CNTNAP5: variants seen among roughly 807,000 people sequenced by gnomAD.
CNTNAP5 encodes contactin-associated protein-like 5.
A neutral mutation model predicts 150.2 loss-of-function variants in CNTNAP5; 72 were observed. The observed-to-expected ratio is 0.48, with a 90% confidence interval of 0.40 to 0.58. The LOEUF (loss-of-function observed/expected upper bound fraction) is 0.58. CNTNAP5 is among the 20% of genes least tolerant of loss of function. The pLI is 0.00. For missense variants in CNTNAP5, 1,636 were observed against 1,626.2 expected, an observed-to-expected ratio of 1.01 and a Z score of -0.10; for synonymous variants, 672 against 619.8, an observed-to-expected ratio of 1.08 and a Z score of -1.25.
intron 19 of CNTNAP5, among the ~76,000 whole-genome samples, chr2:124,861,554 C>G (rs1305675047): frequency 6.6e-6 from 1 of 151,982 alleles, no homozygotes; most frequent in Admixed American, 6.6e-5. Context: ...CGCCACTGCA[C>G]TCCAGCCAGG....
intron 21 of CNTNAP5, among the ~76,000 whole-genome samples, chr2:124,885,453 T>A (rs1678059314): frequency 1.3e-5 from 2 of 151,912 alleles, no homozygotes; most frequent in African/African-American, 4.8e-5. Flanking sequence ...GAAACGCACA[T>A]AAAATTAACC....
intron 17 of CNTNAP5, among the ~76,000 whole-genome samples, chr2:124,784,688 G>A (rs931447573): frequency 2.0e-5 from 3 of 152,170 alleles, no homozygotes; most frequent in African/African-American, 7.2e-5. Flanking sequence ...ACTTAGTTGT[G>A]GTATTGACCC....
At chr2:124,594,123 A>C (rs1696765950) in intron 11 of CNTNAP5, among the ~76,000 whole-genome samples, 1 of 128,840 alleles carries the variant, frequency 7.8e-6, no homozygotes, top group African/African-American at 2.9e-5. Flanking sequence ...TTTGCTGTGC[A>C]GAAGCTCTTT....
At chr2:124,689,990 T>C (rs1254434991) in intron 13 of CNTNAP5, among the ~76,000 whole-genome samples, 5 of 151,990 alleles carry the variant, frequency 3.3e-5, no homozygotes, top group Non-Finnish European at 5.9e-5. Context: ...ACACTCTTTC[T>C]GTTTTACAAC....
intron 19 of CNTNAP5, among the ~76,000 whole-genome samples, chr2:124,845,534 C>T (rs990015383): frequency 6.7e-6 from 1 of 149,676 alleles, no homozygotes. Flanking sequence ...CTTTCTCTAT[C>T]TTTTGGAATA....
At chr2:124,637,743 A>T (rs192153681) in intron 12 of CNTNAP5, among the ~76,000 whole-genome samples, 1 of 152,128 alleles carries the variant, frequency 6.6e-6, no homozygotes, top group South Asian at 2.1e-4. Context: ...TCTTACCTAC[A>T]GAAGAGATTT....
At chr2:124,030,018 G>A (rs917680919) in intron 1 of CNTNAP5, among the ~76,000 whole-genome samples, 1 of 152,046 alleles carries the variant, frequency 6.6e-6, no homozygotes, top group African/African-American at 2.4e-5. Context: ...ATAAGGGAAG[G>A]TTTCTTCATT....
At chr2:124,111,460 A>C (rs11686392) in intron 1 of CNTNAP5, among the ~76,000 whole-genome samples, 12,911 of 152,114 alleles carry the variant, frequency 0.085, 736 homozygotes, top group Non-Finnish European at 0.13. Flanking sequence ...TCTTAATATC[A>C]CTCGTACACT....
chr2:124,198,158 T>C (rs1254383003), intron 1 of CNTNAP5, among the ~76,000 whole-genome samples: 2 of 150,084 alleles, frequency 1.3e-5, no homozygotes, highest in East Asian at 2.0e-4. Flanking sequence ...CTAATCAGGC[T>C]TTTTAAAGAT....
At chr2:124,716,894 C>A (rs76915771) in intron 13 of CNTNAP5, among the ~76,000 whole-genome samples, 6,578 of 152,174 alleles carry the variant, frequency 0.043, 503 homozygotes, top group African/African-American at 0.15. Flanking sequence ...GCCATAACAT[C>A]GGGCTGGTCT....
chr2:124,708,597 C>T (rs948414253), intron 13 of CNTNAP5, among the ~76,000 whole-genome samples: 1 of 152,070 alleles, frequency 6.6e-6, no homozygotes, highest in African/African-American at 2.4e-5. Context: ...ATTACAATGC[C>T]GTTTAGTGTT....
intron 3 of CNTNAP5, among the ~76,000 whole-genome samples, chr2:124,305,111 CA>C (rs57896748): frequency 0.032 from 2,759 of 86,344 alleles, 56 homozygotes; most frequent in African/African-American, 0.078. Context: ...ACAAAAAATA[CA>C]AAAAAAAAAA....
intron 21 of CNTNAP5, among the ~76,000 whole-genome samples, chr2:124,899,607 T>C (rs555088280): frequency 2.0e-5 from 3 of 151,604 alleles, no homozygotes; most frequent in East Asian, 3.9e-4. Flanking sequence ...TTGGATAAGA[T>C]TTTTATGTTA....
chr2:124,785,226 G>A (rs961721061), intron 17 of CNTNAP5, among the ~76,000 whole-genome samples: 3 of 152,102 alleles, frequency 2.0e-5, no homozygotes, highest in African/African-American at 7.2e-5. Flanking sequence ...TGGCCAGGAA[G>A]GCAACATGAA....
chr2:124,797,779 T>A (rs1681878102), intron 18 of CNTNAP5, among the ~76,000 whole-genome samples: 1 of 152,234 alleles, frequency 6.6e-6, no homozygotes, highest in Non-Finnish European at 1.5e-5. Context: ...CTCAGGAAAT[T>A]AGCCAGGCAA....
chr2:124,622,098 TC>T (rs1677628973), intron 12 of CNTNAP5, among the ~76,000 whole-genome samples: 1 of 152,132 alleles, frequency 6.6e-6, no homozygotes, highest in Non-Finnish European at 1.5e-5. Context: ...TAGCTATTCT[TC>T]CTGATGCTCT....
At chr2:124,450,494 C>A (rs1207614629) in intron 6 of CNTNAP5, among the ~76,000 whole-genome samples, 1 of 141,952 alleles carries the variant, frequency 7.0e-6, no homozygotes, top group Non-Finnish European at 1.5e-5. Flanking sequence ...AAGATGTCTG[C>A]AGTGGTCTGT....
intron 10 of CNTNAP5, among the ~76,000 whole-genome samples, chr2:124,535,382 G>A (rs952423626): frequency 3.3e-5 from 5 of 152,142 alleles, no homozygotes; most frequent in African/African-American, 1.2e-4. Context: ...GAGATCCCAT[G>A]TGGAGCACCA....
chr2:124,422,297 T>C (rs1382860033), intron 4 of CNTNAP5, among the ~76,000 whole-genome samples: 1 of 152,228 alleles, frequency 6.6e-6, no homozygotes, highest in African/African-American at 2.4e-5. Context: ...TTCTTCAGAC[T>C]TAACTCTCTA....
Sources: gnomAD v4.1 joint callset for allele counts (sites outside exome capture counted in the v4.1 genomes callset) on GRCh38, gnomAD v4.1.1 for gene constraint, MANE v1.5 for transcripts, NCBI Gene and HGNC (gene_info 2026-07-23, HGNC 2026-07-21) for gene names.